Variants in TRIM2 observed in about 807,000 individuals in gnomAD.
TRIM2 encodes tripartite motif containing 2, also known as tripartite motif-containing protein 2.
TRIM2 carries 20 observed loss-of-function variants against 75.2 expected under a neutral mutation model. The ratio of observed to expected loss-of-function variants is 0.27; its 90% CI spans 0.19 to 0.39. The LOEUF is 0.39. TRIM2 is among the 10% of genes least tolerant of loss of function. The pLI is 1.00. For missense variants in TRIM2, 660 were observed against 990.8 expected (o/e 0.67, Z 4.48); for synonymous variants, 373 against 388.3 (o/e 0.96, Z 0.46).
At chr4:153,264,896 G>A (rs1021388145) in intron 1 of TRIM2, among the ~76,000 whole-genome samples, 1 of 152,102 alleles carries the variant, frequency 6.6e-6, no homozygotes, top group Admixed American at 6.5e-5. Flanking sequence ...CCTTCAACAG[G>A]TCACTTGTGA....
At chr4:153,224,803 T>G (rs1223908573) in intron 1 of TRIM2, among the ~76,000 whole-genome samples, 1 of 152,226 alleles carries the variant, frequency 6.6e-6, no homozygotes, top group Non-Finnish European at 1.5e-5. Flanking sequence ...CTACTTCAAA[T>G]TTAAATACAA....
intron 1 of TRIM2, among the ~76,000 whole-genome samples, chr4:153,207,784 C>CCT (rs940037001): frequency 2.4e-4 from 36 of 152,316 alleles, no homozygotes; most frequent in African/African-American, 7.9e-4. Flanking sequence ...AAAGGGAGTC[C>CCT]CTCAGGGTCA....
Position 153,276,099 on chromosome 4 carries a change from A to G in TRIM2, c.422A>G (p.Lys141Arg). ...LETVTAVAAG[K>R]PLSCPNHDGN... ...ACAGTCACTGCTGTGGCTGCGGGAA[A>G]GCCTCTCTCTTGCCCAAACCACGAT... The change falls in exon 3 of 12, where the codon AAG becomes AGG. Residue 141 changes from lysine to arginine, a missense_variant. Around this residue, in one of 2 missense-constraint regions of TRIM2, gnomAD observed 620 missense variants for 891.0 expected, o/e 0.70. Transcript: ENST00000338700. 6.2e-7 allele frequency: 1 copy of G among 1,614,138 alleles called. No individual in the cohort carries two copies. The highest frequency in any genetic ancestry group is 8.5e-7 in the Non-Finnish European group (1 of 1,179,968).
At chr4:153,256,532 T>A (rs1752120350) in intron 1 of TRIM2, among the ~76,000 whole-genome samples, 1 of 152,236 alleles carries the variant, frequency 6.6e-6, no homozygotes, top group South Asian at 2.1e-4. Context: ...AATTCTACTC[T>A]GATATGTAAG....
At chr4:153,270,305 G>GT (rs34966609) in intron 1 of TRIM2, 30 bp from the exon 2 acceptor site, 1 of 1,595,756 alleles carries the variant, frequency 6.3e-7, no homozygotes, top group Non-Finnish European at 8.5e-7. Context: ...ATCATTATAT[G>GT]TTTTTCTGTT....
chr4:153,304,407 C>G (rs59780743), intron 6 of TRIM2, among the ~76,000 whole-genome samples: 1,578 of 152,166 alleles, frequency 0.01, 33 homozygotes, highest in African/African-American at 0.036. Context: ...AGCCACCATG[C>G]CCGGCCCCTT....
At chr4:153,245,970 C>G (rs1453767933) in intron 1 of TRIM2, among the ~76,000 whole-genome samples, 3 of 152,214 alleles carry the variant, frequency 2.0e-5, no homozygotes. Context: ...TGAGGCACCA[C>G]ACCCAGCCCC....
intron 6 of TRIM2, among the ~76,000 whole-genome samples, chr4:153,306,128 CAAAA>C (rs200865610): frequency 1.8e-5 from 2 of 112,590 alleles, no homozygotes; most frequent in African/African-American, 3.2e-5. Context: ...GACTCCATCT[CAAAA>C]AAAAAAAAAA....
intron 1 of TRIM2, among the ~76,000 whole-genome samples, chr4:153,184,240 G>C (rs1017609363): frequency 6.6e-6 from 1 of 152,146 alleles, no homozygotes; most frequent in African/African-American, 2.4e-5. Flanking sequence ...GAAGTCGAAG[G>C]TCAGGGTGTC....
chr4:153,211,130 G>A (rs879456746), intron 1 of TRIM2, among the ~76,000 whole-genome samples: 3 of 152,128 alleles, frequency 2.0e-5, no homozygotes, highest in African/African-American at 4.8e-5. Flanking sequence ...AATCCATAGC[G>A]GCCATCTGCA....
intron 6 of TRIM2, among the ~76,000 whole-genome samples, chr4:153,297,670 T>C (rs750357694): frequency 7.9e-5 from 12 of 152,116 alleles, no homozygotes; most frequent in Admixed American, 1.3e-4. Flanking sequence ...TCCCACCAAG[T>C]GACCCCAGTC....
At chr4:153,167,546 T>C (rs535133684) in intron 1 of TRIM2, among the ~76,000 whole-genome samples, 2 of 152,340 alleles carry the variant, frequency 1.3e-5, no homozygotes, top group South Asian at 4.1e-4. Flanking sequence ...TTTGAAGTCT[T>C]ACTCAGTTTT....
At chr4:153,258,403 A>G (rs1752599358) in intron 1 of TRIM2, among the ~76,000 whole-genome samples, 1 of 139,212 alleles carries the variant, frequency 7.2e-6, no homozygotes, top group African/African-American at 2.6e-5. Context: ...AGAAAAAAAG[A>G]AAAAAAAAAA....
At chr4:153,325,385 C>T (rs144262445) in intron 10 of TRIM2, among the ~76,000 whole-genome samples, 1 of 152,334 alleles carries the variant, frequency 6.6e-6, no homozygotes, top group Non-Finnish European at 1.5e-5. Context: ...GTCCCCCCTA[C>T]ACTCAAATGC....
At chr4:153,211,983 C>T (rs536193383) in intron 1 of TRIM2, among the ~76,000 whole-genome samples, 1 of 152,170 alleles carries the variant, frequency 6.6e-6, no homozygotes, top group South Asian at 2.1e-4. Context: ...TATCCCTTCT[C>T]TATTCTCTTT....
chr4:153,244,417 CTTCT>C (rs1748378211), intron 1 of TRIM2, among the ~76,000 whole-genome samples: 1 of 87,624 alleles, frequency 1.1e-5, no homozygotes, highest in Non-Finnish European at 2.2e-5. Flanking sequence ...TCTTCTTCTT[CTTCT>C]TCTTCTTCTT....
At chr4:153,170,919 A>G (rs1471608263) in intron 1 of TRIM2, among the ~76,000 whole-genome samples, 1 of 152,240 alleles carries the variant, frequency 6.6e-6, no homozygotes, top group Non-Finnish European at 1.5e-5. Flanking sequence ...CTTGGCAGGC[A>G]CCAGGCTAAG....
intron 1 of TRIM2, among the ~76,000 whole-genome samples, chr4:153,184,344 CGTG>C (rs1732377818): frequency 2.0e-5 from 3 of 152,096 alleles, no homozygotes; most frequent in Non-Finnish European, 4.4e-5. Context: ...GATGTGCACA[CGTG>C]GAGAGAGAGA....
At chr4:153,280,920 G>A (rs191490608) in intron 3 of TRIM2, among the ~76,000 whole-genome samples, 99 of 152,128 alleles carry the variant, frequency 6.5e-4, no homozygotes, top group African/African-American at 2.1e-3. Flanking sequence ...TCCTGACCTC[G>A]TGATCTGCCC....
Sources: gnomAD v4.1 joint callset for allele counts (sites outside exome capture counted in the v4.1 genomes callset) on GRCh38, gnomAD v4.1.1 for gene constraint, gnomAD v4.1.1 regional missense constraint, MANE v1.5 for transcripts, NCBI Gene and HGNC (gene_info 2026-07-23, HGNC 2026-07-21) for gene names.